MAML2: variants seen among roughly 807,000 people sequenced by gnomAD.
MAML2 encodes the protein mastermind-like protein 2.
Under a neutral mutation model 96.1 loss-of-function variants are expected in MAML2, and 22 were observed. The ratio of observed to expected loss-of-function variants is 0.23; its 90% CI spans 0.16 to 0.33. MAML2 has a LOEUF of 0.33. Ranked by LOEUF, MAML2 falls within the 10% of genes least tolerant of loss-of-function variation. The pLI, the probability that MAML2 is intolerant of heterozygous loss-of-function variation, is 1.00. For missense variants in MAML2, 1,367 were observed against 1,392.4 expected, an observed-to-expected ratio of 0.98 and a Z score of 0.29; for synonymous variants, 561 against 521.3, an observed-to-expected ratio of 1.08 and a Z score of -1.04.
At chr11:96,042,869 T>G (rs1858839249) in intron 2 of MAML2, among the ~76,000 whole-genome samples, 1 of 150,812 alleles carries the variant, frequency 6.6e-6, no homozygotes, top group African/African-American at 2.4e-5. Context: ...TTCAGCCTCC[T>G]GAGTAGCTAG....
chr11:96,316,749 T>C (rs933341787), intron 1 of MAML2, among the ~76,000 whole-genome samples: 1 of 152,070 alleles, frequency 6.6e-6, no homozygotes, highest in African/African-American at 2.4e-5. Flanking sequence ...AATTGTATGT[T>C]GAAAGGTGTT....
chr11:96,227,554 A>C (rs981016435), intron 1 of MAML2, among the ~76,000 whole-genome samples: 2 of 152,218 alleles, frequency 1.3e-5, no homozygotes, highest in Admixed American at 6.5e-5. Context: ...GAAGTTAAAC[A>C]TATTTCAGTA....
chr11:96,251,223 T>G (rs1862577428), intron 1 of MAML2, among the ~76,000 whole-genome samples: 1 of 152,204 alleles, frequency 6.6e-6, no homozygotes, highest in South Asian at 2.1e-4. Context: ...CTAAAGATGG[T>G]AGAGTACAGG....
At chr11:96,186,280 C>CA (rs1256427765) in intron 1 of MAML2, among the ~76,000 whole-genome samples, 3 of 152,156 alleles carry the variant, frequency 2.0e-5, no homozygotes, top group African/African-American at 7.2e-5. Context: ...AACAGATACA[C>CA]AAAAGTGTAC....
intron 1 of MAML2, among the ~76,000 whole-genome samples, chr11:96,310,730 T>C (rs1382719002): frequency 6.6e-6 from 1 of 152,220 alleles, no homozygotes; most frequent in Non-Finnish European, 1.5e-5. Context: ...TAAGTCACTG[T>C]GCCTCTCTGA....
chr11:96,032,190 G>T (rs1441825332), intron 2 of MAML2, among the ~76,000 whole-genome samples: 1 of 151,984 alleles, frequency 6.6e-6, no homozygotes, highest in African/African-American at 2.4e-5. Context: ...GCAAAGTGGT[G>T]CAGCCACTTT....
Position 96,092,799 on chromosome 11 carries a change from T to A in MAML2, c.1232A>T (p.Gln411Leu), listed in dbSNP as rs1341060959. 6.2e-7 allele frequency: 1 copy of A among 1,611,912 alleles called. No homozygotes were observed. Among genetic ancestry groups the A allele is most frequent in the African/African-American group, 1.3e-5 (1 of 74,904 alleles). ...SSPIPSVPQS[Q>L]AQPQTGSGAS... ...TCCGGAGCCTGTCTGAGGCTGAGCC[T>A]GGCTCTGAGGGACTGAAGGGATTGG... The change falls in exon 2 of 5, where the codon CAG (glutamine) becomes CTG (leucine). Residue 411 changes from glutamine to leucine, a missense_variant. Gln to Leu is a moderately radical substitution (Grantham distance 113, BLOSUM62 -2). Transcript: ENST00000524717. The surrounding 1 kb of genome is among the most constrained non-coding windows in gnomAD (Gnocchi z 4.1).
At chr11:96,117,538 A>G (rs1860265380) in intron 1 of MAML2, among the ~76,000 whole-genome samples, 1 of 152,042 alleles carries the variant, frequency 6.6e-6, no homozygotes, top group Non-Finnish European at 1.5e-5. Flanking sequence ...GAGCTCAAGC[A>G]ATCTACCTGC....
intron 2 of MAML2, among the ~76,000 whole-genome samples, chr11:96,035,468 TCTGTCAG>T (rs1319926218): frequency 1.3e-5 from 2 of 152,196 alleles, no homozygotes; most frequent in Non-Finnish European, 2.9e-5. Flanking sequence ...GGAGACTGGG[TCTGTCAG>T]GTGTTAGCTC....
chr11:96,199,220 A>T (rs1861779237), intron 1 of MAML2, among the ~76,000 whole-genome samples: 1 of 149,626 alleles, frequency 6.7e-6, no homozygotes, highest in South Asian at 2.1e-4. Flanking sequence ...AAAAAAAAAA[A>T]AAGAGAGGGG....
chr11:96,236,030 C>T (rs1862363076), intron 1 of MAML2, among the ~76,000 whole-genome samples: 1 of 152,216 alleles, frequency 6.6e-6, no homozygotes. Context: ...GCTCTACCTC[C>T]TCTGTCGCTC....
chr11:96,199,218 A>AAAAG (rs1421714221), intron 1 of MAML2, among the ~76,000 whole-genome samples: 12 of 148,424 alleles, frequency 8.1e-5, no homozygotes, highest in African/African-American at 3.0e-4. Context: ...AAAAAAAAAA[A>AAAAG]AAAAGAGAGG....
chr11:96,214,678 T>A (rs1384299032), intron 1 of MAML2, among the ~76,000 whole-genome samples: 1 of 152,214 alleles, frequency 6.6e-6, no homozygotes, highest in Non-Finnish European at 1.5e-5. Flanking sequence ...CACACTTACT[T>A]CTAGGTCATT....
intron 1 of MAML2, among the ~76,000 whole-genome samples, chr11:96,323,498 C>T (rs925101196): frequency 2.2e-5 from 3 of 136,120 alleles, no homozygotes; most frequent in African/African-American, 8.5e-5. Flanking sequence ...AAAAAAAAAC[C>T]CATCTGCATG....
At chr11:96,256,588 C>T (rs1043765817) in intron 1 of MAML2, among the ~76,000 whole-genome samples, 2 of 152,172 alleles carry the variant, frequency 1.3e-5, no homozygotes, top group African/African-American at 4.8e-5. Flanking sequence ...AGCCTTATCA[C>T]AATTACAAAC....
intron 1 of MAML2, among the ~76,000 whole-genome samples, chr11:96,232,709 G>A (rs963807585): frequency 7.2e-4 from 110 of 152,248 alleles, no homozygotes; most frequent in African/African-American, 2.6e-3. Context: ...CTGACCTCGC[G>A]ATCCGCCTAT....
chr11:96,274,935 A>G (rs907444549), intron 1 of MAML2, among the ~76,000 whole-genome samples: 3 of 151,442 alleles, frequency 2.0e-5, no homozygotes, highest in African/African-American at 7.2e-5. Flanking sequence ...GATATGTATA[A>G]TTTCACATAA....
intron 2 of MAML2, among the ~76,000 whole-genome samples, chr11:95,998,401 A>G (rs550163835): frequency 6.6e-6 from 1 of 152,200 alleles, no homozygotes; most frequent in Non-Finnish European, 1.5e-5. Context: ...TGCTTTGGAC[A>G]TGATGGGTTT....
intron 2 of MAML2, among the ~76,000 whole-genome samples, chr11:96,087,018 A>G (rs902292236): frequency 6.6e-6 from 1 of 152,224 alleles, no homozygotes; most frequent in Non-Finnish European, 1.5e-5. Context: ...TAGGCAGCAT[A>G]GTAATTATGA....
Sources: allele counts gnomAD v4.1 joint callset (sites outside exome capture counted in the v4.1 genomes callset), GRCh38; gene constraint gnomAD v4.1.1; non-coding constraint Gnocchi (gnomAD v3.1); transcripts MANE v1.5; gene names NCBI Gene and HGNC (gene_info 2026-07-23, HGNC 2026-07-21).